The following CENPE variants were observed in gnomAD, a reference collection of about 807,000 sequenced individuals.
CENPE encodes the protein centromere-associated protein E.
In CENPE, 145 loss-of-function variants were observed where a neutral mutation model predicts 336.1. The observed-to-expected ratio is 0.43, with a 90% CI of 0.38 to 0.50. The LOEUF (loss-of-function observed/expected upper bound fraction) is 0.50, where lower values mean the gene tolerates loss of function less well. Among genes scored for constraint, CENPE ranks in the 20% least tolerant of loss-of-function variants. The pLI is 0.00. For missense variants in CENPE, 2,719 were observed against 3,023.3 expected (o/e 0.90, Z 2.36); for synonymous variants, 1,013 against 984.8 (o/e 1.03, Z -0.54).
At chr4:103,146,313 C>T (rs539086577) in intron 29 of CENPE, among the ~76,000 whole-genome samples, 6 of 152,234 alleles carry the variant, frequency 3.9e-5, no homozygotes, top group Admixed American at 2.6e-4. Flanking sequence ...GCATCTTATT[C>T]GAGGCTGGAG....
At chr4:103,196,488 T>G (rs1461315282) in intron 2 of CENPE, among the ~76,000 whole-genome samples, 1 of 152,170 alleles carries the variant, frequency 6.6e-6, no homozygotes. Context: ...TTTTCTATGT[T>G]CTTTCAAGAG....
intron 8 of CENPE, among the ~76,000 whole-genome samples, chr4:103,187,070 A>G (rs1756840007): frequency 6.6e-6 from 1 of 152,198 alleles, no homozygotes; most frequent in South Asian, 2.1e-4. Flanking sequence ...GTTTATATTC[A>G]ATGAGAAGCC....
rs757698901 is a variant in CENPE, at chr4:103,140,897, T to C, written c.5671A>G (p.Arg1891Gly). The C allele has an allele frequency of 5.0e-6, 8 of 1,612,448 alleles. No individual in the cohort carries two copies. Among genetic ancestry groups the C allele is most frequent in the Admixed American group, 3.3e-5 (2 of 59,904 alleles). Residue 1891 changes from arginine to glycine, a missense_variant, in exon 36 of 49, where the codon AGA becomes GGA. Arg to Gly is a moderately radical substitution (Grantham distance 125). Around this residue, in one of 5 missense-constraint regions of CENPE, gnomAD observed 2,437 missense variants for 2,513.3 expected, o/e 0.97. Coordinates refer to ENST00000265148, the MANE Select transcript of CENPE (RefSeq NM_001813.3). ...TCCTCTACTCTTCTTAGATTATCTC[T>C]TTCTTTCATTACAGATTTCATTTCT... ...LEEMKSVMKE[R>G]DNLRRVEETL...
intron 4 of CENPE, 42 bp downstream of exon 4, chr4:103,195,878 A>T: frequency 8.7e-7 from 1 of 1,149,166 alleles, no homozygotes; most frequent in Non-Finnish European, 1.3e-6. Flanking sequence ...AGTTTTTACT[A>T]GTTTTACCTG....
At position 103,143,366 on chromosome 4, in the gene CENPE, T is replaced by A; in HGVS notation, c.5186A>T (p.His1729Leu). The A allele has an allele frequency of 1.2e-6, 2 of 1,606,056 alleles. No homozygotes were observed. The highest frequency in any genetic ancestry group is 1.7e-6 in the Non-Finnish European group (2 of 1,174,640). ...KQEELKIVHM[H>L]LKEHQETIDK... is the part of the protein sequence containing the mutation. ...AATAGTTTCTTGGTGCTCCTTCAGA[T>A]GCATGTGAACAATTTTTAGCTCCTC... is the stretch of plus-strand genomic sequence containing the variant. The change falls in exon 34 of 49, where the codon CAT becomes CTT. Residue 1729 changes from histidine to leucine, a missense_variant. Around this residue, in one of 5 missense-constraint regions of CENPE, gnomAD observed 2,437 missense variants for 2,513.3 expected, o/e 0.97. Transcript: ENST00000265148.
At chr4:103,187,683 A>AGCTG in intron 8 of CENPE, among the ~76,000 whole-genome samples, 1 of 152,258 alleles carries the variant, frequency 6.6e-6, no homozygotes, top group Non-Finnish European at 1.5e-5. Flanking sequence ...GGTAATAGCC[A>AGCTG]CTGCAAAAAC....
At chr4:103,118,653 T>C (rs982367197) in intron 44 of CENPE, among the ~76,000 whole-genome samples, 1 of 152,228 alleles carries the variant, frequency 6.6e-6, no homozygotes, top group African/African-American at 2.4e-5. Context: ...TGGAGTTTTC[T>C]AGTTTTGCAT....
At chr4:103,190,944 A>AG (rs1757255640) in intron 8 of CENPE, among the ~76,000 whole-genome samples, 1 of 151,400 alleles carries the variant, frequency 6.6e-6, no homozygotes, top group African/African-American at 2.4e-5. Context: ...AAACAAATTT[A>AG]GAAAAAAAAA....
At chr4:103,176,818 T>C (rs1229772953) in intron 14 of CENPE, 81 bp downstream of exon 14, 12 of 1,045,726 alleles carry the variant, frequency 1.1e-5, no homozygotes, top group Non-Finnish European at 1.4e-6. Flanking sequence ...GTTTATCACA[T>C]TAACTGAGCT....
At chr4:103,192,684 G>A (rs1757455646) in intron 8 of CENPE, among the ~76,000 whole-genome samples, 1 of 152,086 alleles carries the variant, frequency 6.6e-6, no homozygotes, top group Non-Finnish European at 1.5e-5. Context: ...GGATAATGCT[G>A]GTTTTACTGG....
chr4:103,175,711 T>C (rs771836588), intron 15 of CENPE, among the ~76,000 whole-genome samples: 10 of 152,066 alleles, frequency 6.6e-5, no homozygotes, highest in South Asian at 2.1e-4. Context: ...TTTACAAACA[T>C]TGTGAATACT....
At chr4:103,139,646 T>C (rs926196236) in intron 38 of CENPE, 143 bp downstream of exon 38, 7 of 650,754 alleles carry the variant, frequency 1.1e-5, no homozygotes, top group African/African-American at 1.9e-5. Context: ...TTTTCTATTG[T>C]GTAAAAATTA....
intron 48 of CENPE, among the ~76,000 whole-genome samples, chr4:103,107,104 G>C (rs567924410): frequency 2.0e-5 from 3 of 152,330 alleles, no homozygotes; most frequent in African/African-American, 7.2e-5. Flanking sequence ...TTACAGCTGG[G>C]TGTGGTAGCT....
Position 103,175,940 on chromosome 4 carries a change from T to C in CENPE, c.1479+20A>G. ...TAAAAAGAGTAAAAGCATTATATGC[T>C]GTAAAATACATTAAGTTACCTGATT... is the stretch of plus-strand genomic sequence containing the variant. On this transcript the variant is annotated intron_variant, in intron 15 of 48. Transcript: ENST00000265148. 2 of 1,431,688 alleles carry C rather than the reference T, an allele frequency of 1.4e-6. No homozygotes were observed. Among genetic ancestry groups the C allele is most frequent in the South Asian group, 2.4e-5 (2 of 83,026 alleles). The allele number at this position is 1,431,688 out of a possible 1,614,324, so 88.7% of individuals were successfully genotyped here.
Position 103,132,749 on chromosome 4 carries a change from G to A in CENPE, c.6868C>T (p.Gln2290Ter). 6.4e-7 allele frequency: 1 copy of A among 1,570,416 alleles called. No individual in the cohort carries two copies. Among genetic ancestry groups the A allele is most frequent in the Non-Finnish European group, 8.7e-7 (1 of 1,147,316 alleles). ...TGACAAATCCTATCATTTTCTTTCTGGATGCCATTTTTAAGCTTTTCTATA... is the reference window on the plus strand; with the variant it reads ...TGACAAATCCTATCATTTTCTTTCTAGATGCCATTTTTAAGCTTTTCTATA... ...FDIEKLKNGI[Q>*]KENDRICQVN... Residue 2290 changes from glutamine to a stop codon, truncating the protein, a stop_gained, in exon 42 of 49, where the codon CAG (glutamine) becomes TAG (stop). Transcript: ENST00000265148. LOFTEE classifies it high-confidence loss of function.
intron 39 of CENPE, among the ~76,000 whole-genome samples, chr4:103,137,530 T>C (rs1228979700): frequency 1.3e-5 from 2 of 152,208 alleles, no homozygotes; most frequent in African/African-American, 4.8e-5. Flanking sequence ...TTCCTGTTTT[T>C]GGTTTTAGGA....
chr4:103,133,661 A>G, intron 41 of CENPE, 34 bp downstream of exon 41: 1 of 1,410,002 alleles, frequency 7.1e-7, no homozygotes, highest in Middle Eastern at 1.9e-4. Context: ...AAAAGGCTTA[A>G]AATCTAACTA....
intron 47 of CENPE, among the ~76,000 whole-genome samples, chr4:103,109,407 T>C (rs916354643): frequency 2.0e-5 from 3 of 152,166 alleles, no homozygotes; most frequent in Non-Finnish European, 2.9e-5. Flanking sequence ...GGCTTATCTA[T>C]TGATGCTTTG....
rs200064002 is a variant in CENPE at position 103,142,349 on chromosome 4, C to CA, written c.5305-442dup. ...GACTTGAACTTTTCAAGAACAGTAC[C>CA]AAATTATCTGCTTAAAAGGCTGTAT... is the stretch of plus-strand genomic sequence containing the variant. On this transcript the variant is annotated intron_variant, in intron 34 of 48. Coordinates refer to ENST00000265148, the MANE Select transcript of CENPE (RefSeq NM_001813.3). 3.9e-5 allele frequency among the ~76,000 whole-genome samples: 6 copies of CA among 152,212 alleles called. No individual in the cohort carries two copies. The East Asian group carries it at 1.2e-3, about 29-fold the overall frequency.
Sources: allele counts gnomAD v4.1 joint callset (sites outside exome capture counted in the v4.1 genomes callset), GRCh38; gene constraint gnomAD v4.1.1; regional missense constraint gnomAD v4.1.1; transcripts MANE v1.5; gene names NCBI Gene and HGNC (gene_info 2026-07-23, HGNC 2026-07-21).